Variants in ANO3 observed in about 807,000 individuals in gnomAD.
ANO3 encodes anoctamin-3.
A neutral mutation model predicts 144.8 loss-of-function variants in ANO3; 99 were observed. That is an observed-to-expected ratio of 0.68 (90% CI 0.58 to 0.81). ANO3 has a LOEUF of 0.81. Ranked by LOEUF, ANO3 falls within the 30% of genes least tolerant of loss-of-function variation. ANO3 has a pLI of 0.00. For missense variants in ANO3, 905 were observed against 1,202.2 expected (o/e 0.75, Z 3.66); for synonymous variants, 414 against 392.6 (o/e 1.05, Z -0.64).
intron 1 of ANO3, among the ~76,000 whole-genome samples, chr11:26,376,922 G>C (rs920260851): frequency 3.9e-5 from 6 of 152,130 alleles, no homozygotes; most frequent in Non-Finnish European, 7.4e-5. Flanking sequence ...TCATGGCTGA[G>C]AGAATGGGCT....
intron 1 of ANO3, among the ~76,000 whole-genome samples, chr11:26,300,850 T>C (rs562592830): frequency 7.0e-6 from 1 of 143,720 alleles, no homozygotes; most frequent in South Asian, 2.1e-4. Context: ...TTCTTTCTTT[T>C]TTTTCTTTTT....
At chr11:26,658,458 A>C (rs1000943967) in intron 26 of ANO3, among the ~76,000 whole-genome samples, 1 of 74,892 alleles carries the variant, frequency 1.3e-5, no homozygotes, top group Non-Finnish European at 3.8e-5. Context: ...CTAAAAATAC[A>C]AAATAGCCGG....
intron 1 of ANO3, among the ~76,000 whole-genome samples, chr11:26,259,733 T>C (rs1037970645): frequency 2.6e-5 from 4 of 152,110 alleles, no homozygotes; most frequent in African/African-American, 9.7e-5. Flanking sequence ...AGCAGAACAC[T>C]ATGCACCATT....
At chr11:26,537,586 C>A in intron 10 of ANO3, 125 bp downstream of exon 10, 1 of 786,364 alleles carries the variant, frequency 1.3e-6, no homozygotes, top group Non-Finnish European at 2.2e-6. Context: ...TAGCCATGGG[C>A]CTTCTGTCTC....
intron 1 of ANO3, among the ~76,000 whole-genome samples, chr11:26,213,080 AC>A (rs1160938895): frequency 2.0e-5 from 3 of 152,090 alleles, no homozygotes; most frequent in African/African-American, 4.8e-5. Flanking sequence ...AAAATTTAAC[AC>A]CCCTTCATGT....
Position 26,234,404 on chromosome 11 carries a change from C to T in ANO3, c.154+45074C>T, listed in dbSNP as rs554125731. Among the ~76,000 whole-genome samples, 589 of 152,180 alleles carry T rather than the reference C, an allele frequency of 3.9e-3. 4 individuals carry two copies. Among genetic ancestry groups the T allele is most frequent in the Non-Finnish European group, 5.3e-3 (358 of 68,006 alleles). The stretch of plus-strand genomic sequence containing the variant: ...AGTCTGAACATTTAGGCACAAATTG[C>T]GACTTAGACAATTACCTTGATATGG... On this transcript the variant is annotated intron_variant, in intron 1 of 27. Transcript: ENST00000672621.
intron 17 of ANO3, among the ~76,000 whole-genome samples, chr11:26,615,462 C>A (rs1852232014): frequency 6.8e-6 from 1 of 147,150 alleles, no homozygotes; most frequent in African/African-American, 2.5e-5. Context: ...AAACACGGGA[C>A]TTTGGACACA....
intron 1 of ANO3, among the ~76,000 whole-genome samples, chr11:26,387,564 A>AT (rs1856768813): frequency 6.6e-6 from 1 of 151,892 alleles, no homozygotes; most frequent in Non-Finnish European, 1.5e-5. Context: ...CTGATTCTAT[A>AT]TTTTTCTTTT....
intron 11 of ANO3, among the ~76,000 whole-genome samples, chr11:26,543,369 A>G (rs888233612): frequency 2.6e-5 from 4 of 152,206 alleles, no homozygotes; most frequent in Non-Finnish European, 5.9e-5. Flanking sequence ...CCATAGAGGT[A>G]GACCTCCTAG....
intron 1 of ANO3, among the ~76,000 whole-genome samples, chr11:26,208,852 T>A (rs141486839): frequency 0.024 from 3,704 of 152,298 alleles, 47 homozygotes; most frequent in Middle Eastern, 0.037. Flanking sequence ...AAGACATAAA[T>A]ATATTTTTTA....
intron 1 of ANO3, among the ~76,000 whole-genome samples, chr11:26,203,430 C>T (rs1851735848): frequency 6.6e-6 from 1 of 151,960 alleles, no homozygotes; most frequent in Non-Finnish European, 1.5e-5. Context: ...TTTTACATGG[C>T]ACAGGAGCCT....
chr11:26,577,011 G>A (rs1262964109), intron 14 of ANO3, among the ~76,000 whole-genome samples: 1 of 151,010 alleles, frequency 6.6e-6, no homozygotes, highest in East Asian at 1.9e-4. Context: ...TCTGAAACTT[G>A]ACTTTTTTTT....
chr11:26,353,324 T>C (rs901917542), intron 1 of ANO3, among the ~76,000 whole-genome samples: 7 of 152,214 alleles, frequency 4.6e-5, no homozygotes, highest in Non-Finnish European at 7.3e-5. Context: ...CCAGTTGGTC[T>C]TAGCCAGCTT....
chr11:26,515,765 A>T (rs1169498308), intron 5 of ANO3, among the ~76,000 whole-genome samples: 3 of 152,022 alleles, frequency 2.0e-5, no homozygotes, highest in Non-Finnish European at 4.4e-5. Context: ...AATGGAGCTC[A>T]GCTGTGTCTA....
intron 1 of ANO3, among the ~76,000 whole-genome samples, chr11:26,364,227 A>G (rs1191103265): frequency 6.6e-6 from 1 of 152,132 alleles, no homozygotes; most frequent in Non-Finnish European, 1.5e-5. Context: ...GGGCCTGTTG[A>G]CAAATTTAGC....
chr11:26,280,219 C>T (rs1189203445), intron 1 of ANO3, among the ~76,000 whole-genome samples: 1 of 152,200 alleles, frequency 6.6e-6, no homozygotes, highest in Non-Finnish European at 1.5e-5. Flanking sequence ...TATTACATCA[C>T]TACAAAGAGT....
intron 1 of ANO3, among the ~76,000 whole-genome samples, chr11:26,384,733 T>C (rs1330063808): frequency 6.6e-6 from 1 of 152,212 alleles, no homozygotes; most frequent in African/African-American, 2.4e-5. Context: ...TGCAGTAGCC[T>C]TCTCACTGGC....
intron 1 of ANO3, among the ~76,000 whole-genome samples, chr11:26,303,928 G>T (rs11029509): frequency 0.069 from 10,458 of 151,732 alleles, 686 homozygotes; most frequent in African/African-American, 0.17. Context: ...CCACTTTGGC[G>T]GGTCTCGATC....
rs370533377 is a variant in ANO3, at chr11:26,595,831, T to C, written c.1448-2534T>C. 2.6e-5 allele frequency among the ~76,000 whole-genome samples: 4 copies of C among 152,336 alleles called. No individual in the cohort carries two copies. The South Asian group carries it at 8.3e-4, about 32-fold the overall frequency. ...TGAGTTAGTAAGCTACTTTTTTGCT[T>C]TTTTTGATTTAGGATAGCTCTGAAC... On this transcript the variant is annotated intron_variant, in intron 14 of 26. Coordinates refer to ENST00000256737, the MANE Select transcript of ANO3 (RefSeq NM_031418.4).
Sources: gnomAD v4.1 joint callset for allele counts (sites outside exome capture counted in the v4.1 genomes callset) on GRCh38, gnomAD v4.1.1 for gene constraint, MANE v1.5 for transcripts, NCBI Gene and HGNC (gene_info 2026-07-23, HGNC 2026-07-21) for gene names.